Variants in EYS observed in about 807,000 individuals in gnomAD.
EYS encodes EGF-like photoreceptor maintenance factor.
EYS carries 250 observed loss-of-function variants against 282.1 expected under a neutral mutation model. The ratio of observed to expected loss-of-function variants is 0.89; its 90% confidence interval spans 0.80 to 0.98. EYS has a LOEUF of 0.98. EYS is among the 50% of genes least tolerant of loss of function. The probability of loss-of-function intolerance (pLI) is 0.00; values close to 1 mark genes in which losing one functional copy is unlikely to be tolerated. For synonymous variants in EYS, 1,355 were observed against 1,282.9 expected (o/e 1.06, Z -1.20); for missense variants, 4,016 against 3,709.0 (o/e 1.08, Z -2.15).
intron 2 of EYS, among the ~76,000 whole-genome samples, chr6:65,618,772 G>A (rs1313756345): frequency 6.6e-6 from 1 of 152,072 alleles, no homozygotes; most frequent in African/African-American, 2.4e-5. Flanking sequence ...TTCTACATAT[G>A]GCTAGCCAGT....
chr6:64,465,040 G>A (rs1472955036), intron 26 of EYS, among the ~76,000 whole-genome samples: 2 of 151,584 alleles, frequency 1.3e-5, no homozygotes, highest in Non-Finnish European at 2.9e-5. Context: ...AAATACTTAG[G>A]AGTAAATTTA....
intron 1 of EYS, among the ~76,000 whole-genome samples, chr6:65,706,654 T>C (rs908203427): frequency 2.6e-5 from 4 of 152,156 alleles, no homozygotes; most frequent in African/African-American, 9.6e-5. Flanking sequence ...AACATGAGAA[T>C]AAACATCACC....
At chr6:64,027,205 T>C (rs1176989202) in intron 33 of EYS, among the ~76,000 whole-genome samples, 3 of 152,136 alleles carry the variant, frequency 2.0e-5, no homozygotes, top group Non-Finnish European at 2.9e-5. Context: ...TAAACATCTG[T>C]TGACCTGTGT....
At chr6:63,969,734 A>G (rs527503243) in intron 35 of EYS, among the ~76,000 whole-genome samples, 19 of 152,228 alleles carry the variant, frequency 1.2e-4, no homozygotes, top group Non-Finnish European at 2.5e-4. Flanking sequence ...CCTGTTCTTC[A>G]TCCCCCACAG....
At chr6:64,453,651 T>A (rs1455290679) in intron 26 of EYS, among the ~76,000 whole-genome samples, 1 of 152,186 alleles carries the variant, frequency 6.6e-6, no homozygotes, top group Non-Finnish European at 1.5e-5. Flanking sequence ...ATGTGTCACA[T>A]TTACACCATG....
chr6:64,598,334 G>T (rs901229038), intron 24 of EYS, among the ~76,000 whole-genome samples: 12 of 152,126 alleles, frequency 7.9e-5, no homozygotes, highest in Admixed American at 7.2e-4. Flanking sequence ...GGTGGCGGGC[G>T]TCTGTAGTCC....
chr6:63,927,458 T>A (rs1224895787), intron 35 of EYS, among the ~76,000 whole-genome samples: 1 of 152,204 alleles, frequency 6.6e-6, no homozygotes, highest in Non-Finnish European at 1.5e-5. Flanking sequence ...AAAGTCATGA[T>A]CATAAAACAA....
intron 33 of EYS, among the ~76,000 whole-genome samples, chr6:63,999,684 G>T (rs1038077174): frequency 1.3e-5 from 2 of 152,182 alleles, no homozygotes; most frequent in African/African-American, 4.8e-5. Context: ...ACAGTTATCA[G>T]AACTCAGAAA....
chr6:64,040,580 T>G (rs1257640420), intron 33 of EYS, among the ~76,000 whole-genome samples: 3 of 152,230 alleles, frequency 2.0e-5, no homozygotes, highest in Admixed American at 2.0e-4. Context: ...AATTTTAATA[T>G]GGCGCACAAC....
chr6:65,616,605 G>A (rs1380120443), intron 2 of EYS, among the ~76,000 whole-genome samples: 1 of 152,034 alleles, frequency 6.6e-6, no homozygotes, highest in African/African-American at 2.4e-5. Context: ...GGCCAAAATG[G>A]TGAAACCCCG....
intron 26 of EYS, among the ~76,000 whole-genome samples, chr6:64,469,927 T>C (rs1291731512): frequency 5.3e-5 from 8 of 152,150 alleles, no homozygotes; most frequent in Non-Finnish European, 1.2e-4. Flanking sequence ...GTACTAAAAG[T>C]CTCTGATATG....
intron 36 of EYS, among the ~76,000 whole-genome samples, chr6:63,811,803 C>T (rs1473136481): frequency 6.6e-6 from 1 of 152,192 alleles, no homozygotes; most frequent in African/African-American, 2.4e-5. Context: ...AGCCTTCCCT[C>T]TCTTTGCTCA....
intron 31 of EYS, among the ~76,000 whole-genome samples, chr6:64,134,991 G>T (rs1026149442): frequency 1.3e-5 from 2 of 152,052 alleles, no homozygotes; most frequent in Non-Finnish European, 2.9e-5. Flanking sequence ...ATTTTTCATT[G>T]CAATAGAAGC....
chr6:65,278,916 C>T (rs149692506), intron 12 of EYS, among the ~76,000 whole-genome samples: 350 of 152,158 alleles, frequency 2.3e-3, no homozygotes, highest in African/African-American at 8.0e-3. Flanking sequence ...TGGCCCAGCC[C>T]GGTGGCTCCT....
At chr6:64,581,851 C>T (rs1426105055) in intron 26 of EYS, among the ~76,000 whole-genome samples, 2 of 152,094 alleles carry the variant, frequency 1.3e-5, no homozygotes, top group Non-Finnish European at 2.9e-5. Context: ...CTGTCTATGT[C>T]TTTATGATAG....
chr6:64,104,671 C>CA (rs1562203317), intron 31 of EYS, among the ~76,000 whole-genome samples: 1 of 149,640 alleles, frequency 6.7e-6, no homozygotes, highest in African/African-American at 2.5e-5. Context: ...TTTACTCCTT[C>CA]AAAAGATGGT....
chr6:64,506,592 T>C (rs1777212744), intron 26 of EYS, among the ~76,000 whole-genome samples: 1 of 152,180 alleles, frequency 6.6e-6, no homozygotes, highest in Non-Finnish European at 1.5e-5. Context: ...AAAGTAGCTT[T>C]ACTTCCTACG....
intron 12 of EYS, among the ~76,000 whole-genome samples, chr6:65,240,340 C>A (rs898456324): frequency 3.3e-5 from 5 of 151,972 alleles, no homozygotes; most frequent in African/African-American, 1.2e-4. Context: ...GGGCATATTG[C>A]TTGATGGTGA....
chr6:65,253,846 G>A (rs1162352651), intron 12 of EYS, among the ~76,000 whole-genome samples: 1 of 151,704 alleles, frequency 6.6e-6, no homozygotes, highest in East Asian at 1.9e-4. Flanking sequence ...TAGTGACTTA[G>A]TCAAACTCTA....
Sources: gnomAD v4.1 joint callset for allele counts (sites outside exome capture counted in the v4.1 genomes callset) on GRCh38, gnomAD v4.1.1 for gene constraint, MANE v1.5 for transcripts, NCBI Gene and HGNC (gene_info 2026-07-23, HGNC 2026-07-21) for gene names.